ASTN2: variants seen among roughly 807,000 people sequenced by gnomAD.
ASTN2 encodes astrotactin-2.
ASTN2 carries 54 observed loss-of-function variants against 139.8 expected under a neutral mutation model. The ratio of observed to expected loss-of-function variants is 0.39; its 90% confidence interval spans 0.31 to 0.48. ASTN2 has a LOEUF of 0.48. ASTN2 is among the 20% of genes least tolerant of loss of function. The pLI is 0.95. For missense variants in ASTN2, 1,565 were observed against 1,725.1 expected, an observed-to-expected ratio of 0.91 and a Z score of 1.64; for synonymous variants, 756 against 719.5, an observed-to-expected ratio of 1.05 and a Z score of -0.81.
chr9:117,096,754 A>G (rs1270630905), intron 4 of ASTN2, among the ~76,000 whole-genome samples: 2 of 152,162 alleles, frequency 1.3e-5, no homozygotes, highest in African/African-American at 4.8e-5. Context: ...GGGGGAGTGC[A>G]ATTCATTTCA....
At position 116,424,142 on chromosome 9, in the gene ASTN2, C is replaced by T. The variant is rs1847247402; in HGVS notation, c.*1709G>A. Among the ~76,000 whole-genome samples the T allele has an allele frequency of 6.6e-6, 1 of 152,116 alleles. No homozygotes were observed. The highest frequency in any genetic ancestry group is 1.5e-5 in the Non-Finnish European group (1 of 68,012). On this transcript the variant is annotated 3_prime_UTR_variant, in exon 23 of 23. Coordinates refer to ENST00000313400, the MANE Select transcript of ASTN2 (RefSeq NM_001365068.1). The stretch of plus-strand genomic sequence containing the variant: ...CATCTCTTCATACTCATTACCCTCC[C>T]AGGGAAGGGTACACTGGAAGCAGTG...
chr9:117,109,357 A>AATAAATAAATAAATAAAT (rs201829882), intron 4 of ASTN2, among the ~76,000 whole-genome samples: 51 of 105,348 alleles, frequency 4.8e-4, no homozygotes, highest in East Asian at 2.2e-3. Context: ...TAAATAAATA[A>AATAAATAAATAAATAAAT]AAATAAATAA....
At chr9:116,584,061 A>G (rs908684167) in intron 19 of ASTN2, 3 of 152,358 alleles carry the variant, frequency 2.0e-5, no homozygotes, top group East Asian at 3.9e-4. Context: ...TAATCACCCA[A>G]TTAAGAGGAG....
chr9:116,451,470 G>A (rs1042609501), intron 20 of ASTN2, among the ~76,000 whole-genome samples: 5 of 152,054 alleles, frequency 3.3e-5, no homozygotes, highest in Admixed American at 2.0e-4. Context: ...AAAGAGTGGG[G>A]TTTTTGCTGT....
chr9:116,639,202 T>C (rs539257665), intron 17 of ASTN2, among the ~76,000 whole-genome samples: 1 of 152,158 alleles, frequency 6.6e-6, no homozygotes, highest in Non-Finnish European at 1.5e-5. Context: ...AATTTGGAGA[T>C]GAAGCTAAAA....
intron 16 of ASTN2, chr9:116,687,225 CACGACA>C: frequency 1.0e-6 from 1 of 1,004,690 alleles, no homozygotes; most frequent in Non-Finnish European, 1.2e-6. Context: ...GGGCCAGCTG[CACGACA>C]AGCCCCAGCA....
chr9:116,691,076 C>T (rs1480379394), intron 16 of ASTN2, among the ~76,000 whole-genome samples: 3 of 152,152 alleles, frequency 2.0e-5, no homozygotes, highest in Non-Finnish European at 2.9e-5. Flanking sequence ...CATGCCACCA[C>T]ACCTGATTAT....
At chr9:116,541,150 T>C (rs1202231689) in intron 19 of ASTN2, among the ~76,000 whole-genome samples, 1 of 152,184 alleles carries the variant, frequency 6.6e-6, no homozygotes, top group Non-Finnish European at 1.5e-5. Flanking sequence ...CATTCTATAA[T>C]AAATGTGTCA....
intron 11 of ASTN2, among the ~76,000 whole-genome samples, chr9:116,822,281 A>T (rs1452326862): frequency 6.6e-6 from 1 of 152,204 alleles, no homozygotes; most frequent in Non-Finnish European, 1.5e-5. Flanking sequence ...TCTTCAAGAC[A>T]TTTGAGACTG....
At chr9:117,356,803 C>A (rs1829551220) in intron 1 of ASTN2, among the ~76,000 whole-genome samples, 1 of 152,136 alleles carries the variant, frequency 6.6e-6, no homozygotes, top group Non-Finnish European at 1.5e-5. Flanking sequence ...GTGGCTCACG[C>A]CTGTAATCTC....
chr9:117,387,578 G>C (rs1029527056), intron 1 of ASTN2, among the ~76,000 whole-genome samples: 32 of 152,092 alleles, frequency 2.1e-4, no homozygotes, highest in Admixed American at 6.5e-5. Context: ...AGGCAGAAGT[G>C]GGTCTGTTAC....
chr9:116,476,529 G>A (rs879056152), intron 20 of ASTN2, among the ~76,000 whole-genome samples: 3 of 152,048 alleles, frequency 2.0e-5, no homozygotes, highest in Non-Finnish European at 4.4e-5. Flanking sequence ...TCCTTTCTCT[G>A]TATTCATCAC....
rs867516751 is a variant in ASTN2, at chr9:116,698,772, C to T, written c.2806+26999G>A. The T allele has an allele frequency of 5.6e-6, 9 of 1,614,034 alleles. No homozygotes were observed. In the East Asian group the frequency reaches 1.1e-4, roughly 20 times the overall value. ...CCCTAGGGCCTCACCTGCTAAACAG[C>T]GGGGTCCTGAGGCAGCCTCCAATAT... On this transcript the variant is annotated intron_variant, in intron 16 of 22. Transcript: ENST00000313400. The surrounding 1 kb of genome is among the most constrained non-coding windows in gnomAD (Gnocchi z 4.4).
chr9:116,679,052 C>A (rs1213372976), intron 16 of ASTN2, among the ~76,000 whole-genome samples: 1 of 152,102 alleles, frequency 6.6e-6, no homozygotes, highest in Non-Finnish European at 1.5e-5. Context: ...ATTCAGTTAG[C>A]CTCATGCTAT....
chr9:116,985,295 C>T (rs558664935), intron 7 of ASTN2, among the ~76,000 whole-genome samples: 8 of 152,318 alleles, frequency 5.3e-5, no homozygotes, highest in African/African-American at 7.2e-5. Flanking sequence ...TTCATCAGCA[C>T]GCCTCTGAGA....
At chr9:117,191,370 T>C (rs930699288) in intron 3 of ASTN2, among the ~76,000 whole-genome samples, 6 of 152,196 alleles carry the variant, frequency 3.9e-5, no homozygotes, top group African/African-American at 1.4e-4. Flanking sequence ...AATTTTTCAC[T>C]TTCAATATAT....
At position 116,425,932 on chromosome 9, in the gene ASTN2, G is replaced by T; in HGVS notation, c.3939C>A (p.Ile1313=). ...VRPAGMVWYS[I]LKDTKITCEE... is the part of the protein sequence containing the mutation. ...CACACGTGATTTTGGTGTCCTTGAG[G>T]ATGCTATACCACACCATGCCTGCAG... The change falls in exon 23 of 23, where the codon ATC becomes ATA. Residue 1313 remains isoleucine, a synonymous_variant. Coordinates refer to ENST00000313400, the MANE Select transcript of ASTN2 (RefSeq NM_001365068.1). 1 of 1,614,100 alleles carries T rather than the reference G, an allele frequency of 6.2e-7. No homozygotes were observed. The highest frequency in any genetic ancestry group is 2.2e-5 in the East Asian group (1 of 44,858).
chr9:116,531,569 A>G (rs34799326), intron 19 of ASTN2, among the ~76,000 whole-genome samples: 24,242 of 136,214 alleles, frequency 0.18, 2,475 homozygotes, highest in Middle Eastern at 0.26. Flanking sequence ...CCTGTGTCCA[A>G]GTGTTCTCAT....
intron 11 of ASTN2, among the ~76,000 whole-genome samples, chr9:116,850,451 A>T (rs533144365): frequency 6.6e-6 from 1 of 152,142 alleles, no homozygotes; most frequent in South Asian, 2.1e-4. Flanking sequence ...TCAAATCCCC[A>T]CCAATGTCAT....
Sources: gnomAD v4.1 joint callset for allele counts (sites outside exome capture counted in the v4.1 genomes callset) on GRCh38, gnomAD v4.1.1 for gene constraint, Gnocchi (gnomAD v3.1) non-coding constraint, MANE v1.5 for transcripts, NCBI Gene and HGNC (gene_info 2026-07-23, HGNC 2026-07-21) for gene names.